DCBLD1: variants seen among roughly 807,000 people sequenced by gnomAD.
DCBLD1 encodes discoidin, CUB and LCCL domain-containing protein 1.
In DCBLD1, 57 loss-of-function variants were observed where a neutral mutation model predicts 71.5. That is an observed-to-expected ratio of 0.80 (90% CI 0.64 to 0.99). The LOEUF is 0.99. DCBLD1 is among the 50% of genes least tolerant of loss of function. The probability of loss-of-function intolerance (pLI) is 0.00; values close to 1 mark genes in which losing one functional copy is unlikely to be tolerated. For synonymous variants in DCBLD1, 380 were observed against 363.8 expected, an observed-to-expected ratio of 1.04 and a Z score of -0.51; for missense variants, 891 against 923.5, an observed-to-expected ratio of 0.96 and a Z score of 0.46.
chr6:117,539,472 A>G, intron 9 of DCBLD1, 93 bp downstream of exon 9: 4 of 1,400,394 alleles, frequency 2.9e-6, no homozygotes, highest in South Asian at 2.8e-5. Flanking sequence ...TCTCATTAAT[A>G]AAAGACAGTG....
chr6:117,548,078 C>A lies in DCBLD1; in HGVS notation c.1787C>A (p.Pro596Gln), dbSNP rs1201020903. ...GAGTACGCGCTGCCCCTGGCGCCCC[C>A]GGAGCCCGAGTACGCCACGCCCATC... ...RHEYALPLAP[P>Q]EPEYATPIVE... The change falls in exon 15 of 15, where the codon CCG becomes CAG. Residue 596 changes from proline (P) to glutamine (Q), a missense_variant. Physicochemically the swap from Pro to Gln is moderately conservative, Grantham distance 76. Transcript: ENST00000338728. The A allele has an allele frequency of 4.5e-6, 7 of 1,548,882 alleles. No homozygotes were observed. The highest frequency in any genetic ancestry group is 1.4e-5 in the African/African-American group (1 of 73,004).
chr6:117,547,206 A>C (rs1365617010), intron 14 of DCBLD1, among the ~76,000 whole-genome samples: 1 of 152,164 alleles, frequency 6.6e-6, no homozygotes, highest in African/African-American at 2.4e-5. Flanking sequence ...AAGACAATCA[A>C]TGCTTTTCCA....
At chr6:117,547,519 C>G (rs761287753) in intron 14 of DCBLD1, 5 of 495,988 alleles carry the variant, frequency 1.0e-5, no homozygotes, top group Admixed American at 9.3e-5. Context: ...TACTCTGTGT[C>G]CCTCATACTC....
At chr6:117,499,576 C>A (rs559778866) in intron 1 of DCBLD1, among the ~76,000 whole-genome samples, 1 of 152,196 alleles carries the variant, frequency 6.6e-6, no homozygotes, top group Admixed American at 6.5e-5. Context: ...ATTTTCAGAT[C>A]ATTGTAGATC....
chr6:117,502,362 G>A (rs1777692331), intron 1 of DCBLD1, among the ~76,000 whole-genome samples: 1 of 152,212 alleles, frequency 6.6e-6, no homozygotes. Flanking sequence ...GGGGCTGCCA[G>A]GAATCTCGTG....
Position 117,548,520 on chromosome 6 carries a change from G to C in DCBLD1, c.*81G>C. 6.5e-7 allele frequency: 1 copy of C among 1,531,004 alleles called. No homozygotes were observed. Among genetic ancestry groups the C allele is most frequent in the South Asian group, 1.2e-5 (1 of 81,824 alleles). 94.8% of individuals were successfully genotyped at this position (1,531,004 alleles called of 1,614,324 possible). ...TGGAAGAAGGGAGCCTGCTGGTCCA[G>C]AGTGTGCGTGTGTATCGGTGTGTGT... On this transcript the variant is annotated 3_prime_UTR_variant, in exon 15 of 15. Transcript: ENST00000338728.
At chr6:117,508,195 C>G (rs1458174105) in intron 2 of DCBLD1, 1 of 152,144 alleles carries the variant, frequency 6.6e-6, no homozygotes, top group Non-Finnish European at 1.5e-5. Flanking sequence ...CCAGGCTGTT[C>G]TAGGATTGAA....
intron 2 of DCBLD1, among the ~76,000 whole-genome samples, chr6:117,507,442 A>G (rs894076037): frequency 1.3e-5 from 2 of 152,222 alleles, no homozygotes; most frequent in African/African-American, 4.8e-5. Context: ...TCAAGAATCC[A>G]TTAGAAGAAT....
At chr6:117,539,490 G>C in intron 9 of DCBLD1, 111 bp downstream of exon 9, 1 of 1,274,296 alleles carries the variant, frequency 7.8e-7, no homozygotes, top group Non-Finnish European at 1.1e-6. Flanking sequence ...GTGAGGCCAA[G>C]CATGGTGGTT....
chr6:117,567,797 AC>A (rs1429354851), intron 14 of DCBLD1, among the ~76,000 whole-genome samples: 1 of 152,092 alleles, frequency 6.6e-6, no homozygotes, highest in Admixed American at 6.6e-5. Context: ...ATAAAGAAAA[AC>A]AAAAGTTTGA....
intron 1 of DCBLD1, among the ~76,000 whole-genome samples, chr6:117,498,765 T>C (rs1777550044): frequency 6.6e-6 from 1 of 152,126 alleles, no homozygotes; most frequent in Non-Finnish European, 1.5e-5. Flanking sequence ...TTAAGGCAAA[T>C]CCCAGACCTT....
intron 5 of DCBLD1, among the ~76,000 whole-genome samples, chr6:117,526,418 G>A (rs1778548691): frequency 6.6e-6 from 1 of 152,162 alleles, no homozygotes; most frequent in African/African-American, 2.4e-5. Context: ...GAAATAAAAA[G>A]TTGACATTTT....
chr6:117,511,650 A>G (rs1034295070), intron 2 of DCBLD1, among the ~76,000 whole-genome samples: 38 of 152,266 alleles, frequency 2.5e-4, no homozygotes, highest in Non-Finnish European at 2.9e-5. Context: ...AGAATGATAC[A>G]TATCTGACAT....
downstream of DCBLD1, among the ~76,000 whole-genome samples, chr6:117,550,488 T>G (rs918211038): frequency 2.6e-5 from 4 of 152,222 alleles, no homozygotes. Flanking sequence ...GATTGTATTC[T>G]GCCACTTCTT....
rs745526322 is a variant in DCBLD1 at position 117,501,692 on chromosome 6, C to T, written c.113-2075C>T. Among the ~76,000 whole-genome samples, 5 of 152,150 alleles carry T rather than the reference C, an allele frequency of 3.3e-5. No individual in the cohort carries two copies. The East Asian group carries it at 5.8e-4, about 18-fold the overall frequency. On this transcript the variant is annotated intron_variant, in intron 1 of 14. Coordinates refer to ENST00000338728, the MANE Select transcript of DCBLD1 (RefSeq NM_001366458.2). ...ATATTTTATTAAAGCCCTTTAAAGC[C>T]GACAAATAATTCAGATTTCAAATCA...
intron 14 of DCBLD1, among the ~76,000 whole-genome samples, chr6:117,559,522 A>T (rs973088254): frequency 6.6e-6 from 1 of 152,084 alleles, no homozygotes; most frequent in Non-Finnish European, 1.5e-5. Context: ...GTACACAGGG[A>T]TGGATTTCAG....
At chr6:117,521,126 T>C (rs541108494) in intron 3 of DCBLD1, among the ~76,000 whole-genome samples, 2 of 152,364 alleles carry the variant, frequency 1.3e-5, no homozygotes, top group South Asian at 4.1e-4. Flanking sequence ...GCTAAATTGT[T>C]GAATTAAAAT....
chr6:117,497,760 A>G (rs987677942), intron 1 of DCBLD1, among the ~76,000 whole-genome samples: 18 of 152,192 alleles, frequency 1.2e-4, no homozygotes, highest in South Asian at 6.2e-4. Flanking sequence ...ACTTCTTCCT[A>G]TCTGTATTAT....
chr6:117,503,508 G>C (rs763372017), intron 1 of DCBLD1: 2 of 450,182 alleles, frequency 4.4e-6, no homozygotes, highest in Non-Finnish European at 3.9e-6. Flanking sequence ...ATGATTAAAT[G>C]ATTTGTTTCC....
Sources: allele counts gnomAD v4.1 joint callset (sites outside exome capture counted in the v4.1 genomes callset), GRCh38; gene constraint gnomAD v4.1.1; transcripts MANE v1.5; gene names NCBI Gene and HGNC (gene_info 2026-07-23, HGNC 2026-07-21).